Variants in STX11 observed in about 807,000 individuals in gnomAD.
STX11 encodes the protein syntaxin-11.
STX11 carries 21 observed loss-of-function variants against 19.9 expected under a neutral mutation model. That is an observed-to-expected ratio of 1.06 (90% confidence interval 0.75 to 1.52). The LOEUF (loss-of-function observed/expected upper bound fraction) is 1.52. STX11 is among the 40% of genes most tolerant of loss of function. STX11 has a pLI of 0.00. For synonymous variants in STX11, 193 were observed against 174.4 expected, an observed-to-expected ratio of 1.11 and a Z score of -0.84; for missense variants, 438 against 405.9, an observed-to-expected ratio of 1.08 and a Z score of -0.68.
chr6:144,152,209 G>A lies in STX11; in HGVS notation c.-6+1506G>A, dbSNP rs1184974980. Among the ~76,000 whole-genome samples, 3 of 152,176 alleles carry A rather than the reference G, an allele frequency of 2.0e-5. No homozygotes were observed. The highest frequency in any genetic ancestry group is 7.2e-5 in the African/African-American group (3 of 41,436). Reference sequence around the variant, plus strand: ...ATTGCGGTCACGATTAGTTGATAGTGTGACTTTTAAGAAATAGTGTGACTA... The same window carrying A: ...ATTGCGGTCACGATTAGTTGATAGTATGACTTTTAAGAAATAGTGTGACTA... On this transcript the variant is annotated intron_variant, in intron 1 of 1. Coordinates refer to ENST00000367568, the MANE Select transcript of STX11 (RefSeq NM_003764.4). The surrounding 1 kb of genome is among the most constrained non-coding windows in gnomAD (Gnocchi z 4.9).
rs1198967739 is a variant in STX11 at position 144,183,273 on chromosome 6, C to G, written c.-5-3350C>G. Reference sequence around the variant, plus strand: ...CTCCATAACTACTTTTTATGCCTAACAGAGTATATATGCTTTTCATGCCAT... The same window carrying G: ...CTCCATAACTACTTTTTATGCCTAAGAGAGTATATATGCTTTTCATGCCAT... On this transcript the variant is annotated intron_variant, in intron 1 of 1. Coordinates refer to ENST00000367568, the MANE Select transcript of STX11 (RefSeq NM_003764.4). The surrounding 1 kb of genome is among the most constrained non-coding windows in gnomAD (Gnocchi z 4.6). Among the ~76,000 whole-genome samples, 1 of 152,218 alleles carries G rather than the reference C, an allele frequency of 6.6e-6. No individual in the cohort carries two copies. The highest frequency in any genetic ancestry group is 2.4e-5 in the African/African-American group (1 of 41,444).
At position 144,154,394 on chromosome 6, in the gene STX11, G is replaced by C. The variant is rs146441460; in HGVS notation, c.-6+3691G>C. ...CCTGATTCATCTAGGAAGAAACCTG[G>C]AATAATCAGACATTTTTATCCTGGG... is the stretch of plus-strand genomic sequence containing the variant. On this transcript the variant is annotated intron_variant, in intron 1 of 1. Transcript: ENST00000367568. This position sits in a 1 kb window ranked among gnomAD's most constrained non-coding sequence, Gnocchi z 4.7. Among the ~76,000 whole-genome samples the C allele has an allele frequency of 3.9e-4, 60 of 152,236 alleles. No individual in the cohort carries two copies. The highest frequency in any genetic ancestry group is 1.4e-3 in the African/African-American group (60 of 41,540).
Position 144,172,399 on chromosome 6 carries a change from T to TCAGTGTTCC in STX11, c.-5-14220_-5-14212dup, listed in dbSNP as rs373479815. Among the ~76,000 whole-genome samples the TCAGTGTTCC allele has an allele frequency of 8.5e-5, 13 of 152,292 alleles. No homozygotes were observed. Among genetic ancestry groups the TCAGTGTTCC allele is most frequent in the African/African-American group, 3.1e-4 (13 of 41,548 alleles). On this transcript the variant is annotated intron_variant, in intron 1 of 1. Coordinates refer to ENST00000367568, the MANE Select transcript of STX11 (RefSeq NM_003764.4). This position sits in a 1 kb window ranked among gnomAD's most constrained non-coding sequence, Gnocchi z 4.2. ...GTCTGAGCTTTCTCACATAATGGTT[T>TCAGTGTTCC]CAGTGTTCCCAGAGCAGATAAGCCC...
At chr6:144,146,092 T>G (rs1317729401), upstream of STX11, among the ~76,000 whole-genome samples, 1 of 152,188 alleles carries the variant, frequency 6.6e-6, no homozygotes, top group East Asian at 1.9e-4. The surrounding 1 kb of genome is among the most constrained non-coding windows in gnomAD (Gnocchi z 4.4). Flanking sequence ...CAATGACTAT[T>G]TGACTGAGGG....
upstream of STX11, among the ~76,000 whole-genome samples, chr6:144,149,205 A>G (rs1800933244): frequency 6.6e-6 from 1 of 152,188 alleles, no homozygotes; most frequent in South Asian, 2.1e-4. The surrounding 1 kb of genome is among the most constrained non-coding windows in gnomAD (Gnocchi z 5.1). Flanking sequence ...GTCACTGTGC[A>G]CAGCCTAGGG....
In STX11 at chr6:144,154,321, C is replaced by G. The variant is rs1452970709; in HGVS notation, c.-6+3618C>G. Among the ~76,000 whole-genome samples, 4 of 152,190 alleles carry G rather than the reference C, an allele frequency of 2.6e-5. No individual in the cohort carries two copies. Among genetic ancestry groups the G allele is most frequent in the Non-Finnish European group, 4.4e-5 (3 of 68,038 alleles). On this transcript the variant is annotated intron_variant, in intron 1 of 1. Coordinates refer to ENST00000367568, the MANE Select transcript of STX11 (RefSeq NM_003764.4). The surrounding 1 kb of genome is among the most constrained non-coding windows in gnomAD (Gnocchi z 4.7). ...TGCATAAGATGGGCCTTCAGTGTCC[C>G]TACTGTGCTACATGACATCCCACCC...
At position 144,189,144 on chromosome 6, in the gene STX11, C is replaced by G. The variant is rs1398647587; in HGVS notation, c.*1653C>G. Among the ~76,000 whole-genome samples the G allele has an allele frequency of 6.6e-6, 1 of 152,164 alleles. No individual in the cohort carries two copies. Among genetic ancestry groups the G allele is most frequent in the African/African-American group, 2.4e-5 (1 of 41,432 alleles). ...GCTCAAGTGATCCTCCCACCTCAGC[C>G]TACAAATAGCTGAGACTACAGATAT... On this transcript the variant is annotated 3_prime_UTR_variant, in exon 2 of 2. Transcript: ENST00000367568.
At chr6:144,141,202 A>G in the STX11 span, among the ~76,000 whole-genome samples, 1 of 152,242 alleles carries the variant, frequency 6.6e-6, no homozygotes, top group South Asian at 2.1e-4. Context: ...CAACTAGATT[A>G]TCTCTAGATC....
In STX11 at chr6:144,189,570, A is replaced by G. The variant is rs1045491418; in HGVS notation, c.*2079A>G. Among the ~76,000 whole-genome samples the G allele has an allele frequency of 3.3e-5, 5 of 152,214 alleles. No homozygotes were observed. Among genetic ancestry groups the G allele is most frequent in the African/African-American group, 1.2e-4 (5 of 41,458 alleles). ...CAACTCTTAGCTCTTCCTAATCATT[A>G]TTTAATACATGAGTGAGTTTAGTAG... On this transcript the variant is annotated 3_prime_UTR_variant, in exon 2 of 2. Coordinates refer to ENST00000367568, the MANE Select transcript of STX11 (RefSeq NM_003764.4).
In STX11 at chr6:144,175,952, C is replaced by T. The variant is rs1170137664; in HGVS notation, c.-5-10671C>T. 1.3e-5 allele frequency among the ~76,000 whole-genome samples: 2 copies of T among 152,190 alleles called. No individual in the cohort carries two copies. Among genetic ancestry groups the T allele is most frequent in the Admixed American group, 1.3e-4 (2 of 15,272 alleles). On this transcript the variant is annotated intron_variant, in intron 1 of 1. Transcript: ENST00000367568. The surrounding 1 kb of genome is among the most constrained non-coding windows in gnomAD (Gnocchi z 5.1). Reference sequence around the variant, plus strand: ...AGCCAGCATTAGCTGGATTTACCCTCCCTGGCCACAGCTGATTTCACCCAC... The same window carrying T: ...AGCCAGCATTAGCTGGATTTACCCTTCCTGGCCACAGCTGATTTCACCCAC...
rs1463156105 is a variant in STX11, at chr6:144,160,569, C to T, written c.-6+9866C>T. On this transcript the variant is annotated intron_variant, in intron 1 of 1. Transcript: ENST00000367568. This position sits in a 1 kb window ranked among gnomAD's most constrained non-coding sequence, Gnocchi z 4.3. ...ACCTGACATCACAAAGCAAATAGGC[C>T]AAGTGCTAACATGTGCATATTTAAC... Among the ~76,000 whole-genome samples, 1 of 152,080 alleles carries T rather than the reference C, an allele frequency of 6.6e-6. No individual in the cohort carries two copies. The highest frequency in any genetic ancestry group is 1.5e-5 in the Non-Finnish European group (1 of 68,014).
chr6:144,162,226 A>G lies in STX11; in HGVS notation c.-6+11523A>G, dbSNP rs193018024. On this transcript the variant is annotated intron_variant, in intron 1 of 1. Transcript: ENST00000367568. This position sits in a 1 kb window ranked among gnomAD's most constrained non-coding sequence, Gnocchi z 4.6. ...CACCATCACGCCCTTTCCCGTAGAT[A>G]CTCGGCCTTTTATTATGAGTTCTGA... 5.9e-5 allele frequency among the ~76,000 whole-genome samples: 9 copies of G among 152,242 alleles called. No homozygotes were observed. In the East Asian group the frequency reaches 1.5e-3, roughly 26 times the overall value.
chr6:144,191,797 T>A lies in STX11; in HGVS notation c.*4306T>A, dbSNP rs768881680. Among the ~76,000 whole-genome samples the A allele has an allele frequency of 6.6e-6, 1 of 152,226 alleles. No homozygotes were observed. The highest frequency in any genetic ancestry group is 2.4e-5 in the African/African-American group (1 of 41,450). On this transcript the variant is annotated 3_prime_UTR_variant, in exon 2 of 2. Transcript: ENST00000367568. ...GGGGCTATTAGAAATGGAAAACGAA[T>A]AGGATCTAGAATGTAACTTCATCAT...
chr6:144,166,308 A>G (rs1454644546), intron 1 of STX11, among the ~76,000 whole-genome samples: 2 of 152,118 alleles, frequency 1.3e-5, no homozygotes, highest in Non-Finnish European at 2.9e-5. Flanking sequence ...CCTAGCCACT[A>G]ATTTTATAAA....
At position 144,152,679 on chromosome 6, in the gene STX11, G is replaced by A. The variant is rs1801035794; in HGVS notation, c.-6+1976G>A. On this transcript the variant is annotated intron_variant, in intron 1 of 1. Coordinates refer to ENST00000367568, the MANE Select transcript of STX11 (RefSeq NM_003764.4). The surrounding 1 kb of genome is among the most constrained non-coding windows in gnomAD (Gnocchi z 4.9). ...ACAGAGTCTCACTCTGTTGCCCCAG[G>A]CTGGAGTGTGGTGGTGCAATCTTGG... Among the ~76,000 whole-genome samples the A allele has an allele frequency of 6.6e-6, 1 of 152,156 alleles. No homozygotes were observed. Among genetic ancestry groups the A allele is most frequent in the African/African-American group, 2.4e-5 (1 of 41,440 alleles).
At position 144,154,967 on chromosome 6, in the gene STX11, C is replaced by A. The variant is rs558993691; in HGVS notation, c.-6+4264C>A. 6.6e-6 allele frequency among the ~76,000 whole-genome samples: 1 copy of A among 152,102 alleles called. No homozygotes were observed. The highest frequency in any genetic ancestry group is 2.4e-5 in the African/African-American group (1 of 41,538). On this transcript the variant is annotated intron_variant, in intron 1 of 1. Coordinates refer to ENST00000367568, the MANE Select transcript of STX11 (RefSeq NM_003764.4). This position sits in a 1 kb window ranked among gnomAD's most constrained non-coding sequence, Gnocchi z 4.7. The stretch of plus-strand genomic sequence containing the variant: ...CCCCCACCGCCTCCAAAAAAATGAT[C>A]CCAACTCTTAACTGTTCTCATTGTT...
Position 144,186,786 on chromosome 6 carries a change from T to A in STX11, c.159T>A (p.Asp53Glu). The A allele has an allele frequency of 6.2e-7, 1 of 1,613,840 alleles. No homozygotes were observed. Among genetic ancestry groups the A allele is most frequent in the South Asian group, 1.1e-5 (1 of 91,066 alleles). The change falls in exon 2 of 2, where the codon GAT becomes GAA. Residue 53 changes from aspartate to glutamate, a missense_variant. Physicochemically the swap from Asp to Glu is conservative, Grantham distance 45. Transcript: ENST00000367568. ...ACCGAGACATCCGGGACATTCAGGA[T>A]GAAAACCAGCTGCTGGTGGCCGACG... ...SLYRDIRDIQ[D>E]ENQLLVADVK... is the part of the protein sequence containing the mutation.
rs1334253485 is a variant in STX11 at position 144,167,476 on chromosome 6, G to A, written c.-6+16773G>A. 6.6e-6 allele frequency among the ~76,000 whole-genome samples: 1 copy of A among 152,182 alleles called. No individual in the cohort carries two copies. The highest frequency in any genetic ancestry group is 1.5e-5 in the Non-Finnish European group (1 of 68,040). On this transcript the variant is annotated intron_variant, in intron 1 of 1. Transcript: ENST00000367568. This position sits in a 1 kb window ranked among gnomAD's most constrained non-coding sequence, Gnocchi z 5.0. ...TAATATTGTGCATGACAAAGTTTATGTACATTGAACCATCAGAAAACAAAG... is the reference window on the plus strand; with the variant it reads ...TAATATTGTGCATGACAAAGTTTATATACATTGAACCATCAGAAAACAAAG...
rs1011291888 is a variant in STX11 at position 144,153,539 on chromosome 6, G to A, written c.-6+2836G>A. On this transcript the variant is annotated intron_variant, in intron 1 of 1. Coordinates refer to ENST00000367568, the MANE Select transcript of STX11 (RefSeq NM_003764.4). This position sits in a 1 kb window ranked among gnomAD's most constrained non-coding sequence, Gnocchi z 5.0. ...GGGCCAGATCACAAAGGCCCCATGA[G>A]GGTTTAATAGTACTGAAGCCTTTGA... is the stretch of plus-strand genomic sequence containing the variant. Among the ~76,000 whole-genome samples the A allele has an allele frequency of 6.6e-6, 1 of 152,162 alleles. No homozygotes were observed. The highest frequency in any genetic ancestry group is 1.5e-5 in the Non-Finnish European group (1 of 68,040).
Sources: allele counts gnomAD v4.1 joint callset (sites outside exome capture counted in the v4.1 genomes callset), GRCh38; gene constraint gnomAD v4.1.1; non-coding constraint Gnocchi (gnomAD v3.1); transcripts MANE v1.5; gene names NCBI Gene and HGNC (gene_info 2026-07-23, HGNC 2026-07-21).